The following PHTF1 variants were observed in gnomAD, a reference collection of about 807,000 sequenced individuals.
PHTF1 encodes putative homeodomain transcription factor 1.
In PHTF1, 88 loss-of-function variants were observed where a neutral mutation model predicts 102.4. The observed-to-expected ratio is 0.86, with a 90% CI of 0.72 to 1.03. The LOEUF is 1.03. Ranked by LOEUF, PHTF1 falls within the 50% of genes least tolerant of loss-of-function variation. The pLI is 0.00. For missense variants in PHTF1, 814 were observed against 909.5 expected, an observed-to-expected ratio of 0.89 and a Z score of 1.35; for synonymous variants, 289 against 305.2, an observed-to-expected ratio of 0.95 and a Z score of 0.55.
chr1:113,745,711 T>G (rs1481346148), intron 3 of PHTF1, among the ~76,000 whole-genome samples: 2 of 152,136 alleles, frequency 1.3e-5, no homozygotes, highest in African/African-American at 2.4e-5. Flanking sequence ...GACCTGCACA[T>G]TCGAGGGATC....
chr1:113,758,997 T>G, intron 1 of PHTF1, 26 bp downstream of exon 1: 1 of 1,076,210 alleles, frequency 9.3e-7, no homozygotes, highest in Non-Finnish European at 1.1e-6. Context: ...ACCCGCCTCC[T>G]TCGCTCGCCC....
intron 3 of PHTF1, among the ~76,000 whole-genome samples, chr1:113,744,711 A>AG (rs1217588255): frequency 2.6e-5 from 4 of 152,228 alleles, no homozygotes; most frequent in Admixed American, 6.5e-5. Context: ...GCACTTTGGG[A>AG]GGCTGAGGCA....
intron 3 of PHTF1, among the ~76,000 whole-genome samples, chr1:113,754,053 C>A (rs1164841337): frequency 1.3e-5 from 2 of 152,122 alleles, no homozygotes; most frequent in Non-Finnish European, 2.9e-5. Flanking sequence ...AAGTAATTTG[C>A]ATTTATTAGA....
chr1:113,748,967 A>G (rs1007147574), intron 3 of PHTF1, among the ~76,000 whole-genome samples: 3 of 152,228 alleles, frequency 2.0e-5, no homozygotes, highest in African/African-American at 7.2e-5. Flanking sequence ...CATATTCTGA[A>G]GTGGATATAC....
rs774522219 is a variant in PHTF1, at chr1:113,752,385, A to ATTTTTTTT, written c.102+5306_102+5313dup. On this transcript the variant is annotated intron_variant, in intron 3 of 18. Transcript: ENST00000369604. Reference sequence around the variant, plus strand: ...CTTGCCACATTCATTTGTTACTGTAATTTTTTTTTTTTTTTTTTTTTTTTT... The same window carrying ATTTTTTTT: ...CTTGCCACATTCATTTGTTACTGTAATTTTTTTTTTTTTTTTTTTTTTTTTTTTTTTTT... Among the ~76,000 whole-genome samples the ATTTTTTTT allele has an allele frequency of 2.9e-4, 14 of 47,888 alleles. 3 individuals are homozygous for ATTTTTTTT. Among genetic ancestry groups the ATTTTTTTT allele is most frequent in the South Asian group, 6.6e-4 (1 of 1,520 alleles). 31.4% of individuals were successfully genotyped at this position (47,888 alleles called of 152,430 possible). A position where few individuals can be genotyped will look rare whatever the true frequency, so the allele number is the denominator to read the frequency against.
intron 6 of PHTF1, chr1:113,725,871 G>A (rs1653746709): frequency 1.3e-5 from 2 of 153,964 alleles, no homozygotes; most frequent in South Asian, 2.0e-4. Context: ...GAGAGGCTGA[G>A]GCAGGAGAAT....
chr1:113,700,844 A>G lies in PHTF1; in HGVS notation c.1996T>C (p.Ser666Pro), dbSNP rs907215043. The G allele has an allele frequency of 1.2e-6, 2 of 1,613,566 alleles. No homozygotes were observed. Among genetic ancestry groups the G allele is most frequent in the Non-Finnish European group, 1.7e-6 (2 of 1,179,762 alleles). ...TTGCTGTATTTCTTATTGGTTTCAG[A>G]CCCCAGTGAGGCCAGACGCAATAAA... Reference protein sequence around the residue: ...LFLLRLASLGSETNKKYSNVS... With the variant: ...LFLLRLASLGPETNKKYSNVS... The change falls in exon 16 of 19, where the codon TCT (serine) becomes CCT (proline). Residue 666 changes from serine to proline, a missense_variant. Transcript: ENST00000369604.
intron 11 of PHTF1, among the ~76,000 whole-genome samples, chr1:113,707,295 G>A (rs1351396730): frequency 6.6e-6 from 1 of 152,154 alleles, no homozygotes; most frequent in African/African-American, 2.4e-5. Context: ...CAAAATTAGT[G>A]AGGCTTAGAA....
At chr1:113,718,900 T>G (rs768677564) in intron 7 of PHTF1, among the ~76,000 whole-genome samples, 1 of 152,210 alleles carries the variant, frequency 6.6e-6, no homozygotes, top group Non-Finnish European at 1.5e-5. Context: ...CCTGGAAACA[T>G]TTTCCCCATT....
chr1:113,725,547 T>G (rs1653692314), intron 6 of PHTF1: 1 of 152,252 alleles, frequency 6.6e-6, no homozygotes, highest in East Asian at 1.9e-4. Context: ...ACATAACTTT[T>G]GGAAAATAAC....
chr1:113,717,837 C>T (rs1162447289), intron 7 of PHTF1, among the ~76,000 whole-genome samples: 1 of 152,044 alleles, frequency 6.6e-6, no homozygotes, highest in African/African-American at 2.4e-5. Flanking sequence ...AATTACCTCC[C>T]CCTGGGCCCC....
At chr1:113,706,566 A>C (rs1456171179) in intron 12 of PHTF1, 28 bp downstream of exon 12, 5 of 1,551,584 alleles carry the variant, frequency 3.2e-6, no homozygotes, top group Non-Finnish European at 4.3e-6. Flanking sequence ...ATATTTTTTG[A>C]AAAATCTGAA....
intron 7 of PHTF1, among the ~76,000 whole-genome samples, chr1:113,719,659 G>T (rs61817584): frequency 2.1e-4 from 32 of 152,258 alleles, no homozygotes; most frequent in African/African-American, 7.7e-4. Flanking sequence ...TCTCTAGGAG[G>T]TTCCAAACTT....
chr1:113,747,975 C>T (rs1298345218), intron 3 of PHTF1, among the ~76,000 whole-genome samples: 1 of 152,066 alleles, frequency 6.6e-6, no homozygotes, highest in African/African-American at 2.4e-5. Context: ...TCAAAAGATC[C>T]TTTTATTTTC....
chr1:113,703,465 G>A (rs1649665928), intron 15 of PHTF1, among the ~76,000 whole-genome samples: 1 of 152,134 alleles, frequency 6.6e-6, no homozygotes, highest in African/African-American at 2.4e-5. Flanking sequence ...GGCTCCCACT[G>A]GCCAAATTTA....
chr1:113,712,720 A>G lies in PHTF1; in HGVS notation c.783+559T>C, dbSNP rs140512319. 5.3e-5 allele frequency among the ~76,000 whole-genome samples: 8 copies of G among 151,658 alleles called. No homozygotes were observed. In the East Asian group the frequency reaches 1.6e-3, roughly 29 times the overall value. ...CTGCTTCTCTGGAATATGACCCAGC[A>G]CCCTCTTCACTAATCTGTTTATTAA... On this transcript the variant is annotated intron_variant, in intron 8 of 18. Transcript: ENST00000369604.
rs539328215 is a variant in PHTF1 at position 113,698,622 on chromosome 1, C to T, written c.2143-235G>A. On this transcript the variant is annotated intron_variant, in intron 17 of 18. Coordinates refer to ENST00000369604, the MANE Select transcript of PHTF1 (RefSeq NM_001323043.2). ...ATTTGTAGTTTTATATATATATATA[C>T]ACACACACACACACACACACACACA... is the stretch of plus-strand genomic sequence containing the variant. Among the ~76,000 whole-genome samples, 515 of 28,386 alleles carry T rather than the reference C, an allele frequency of 0.018. 9 individuals carry two copies. The East Asian group carries it at 0.21, about 12-fold the overall frequency. The allele number at this position is 28,386 out of a possible 152,430, so 18.6% of individuals were successfully genotyped here. A position where few individuals can be genotyped will look rare whatever the true frequency, so the allele number is the denominator to read the frequency against.
chr1:113,720,142 A>G (rs1200302904), intron 7 of PHTF1, among the ~76,000 whole-genome samples: 2 of 152,218 alleles, frequency 1.3e-5, no homozygotes, highest in Non-Finnish European at 2.9e-5. Flanking sequence ...CAGCCAAACC[A>G]TATCAAGTAG....
Position 113,738,700 on chromosome 1 carries a change from A to G in PHTF1, c.172+30T>C, listed in dbSNP as rs538400013. The G allele has an allele frequency of 3.9e-6, 5 of 1,293,480 alleles. No individual in the cohort carries two copies. In the African/African-American group the frequency reaches 7.4e-5, roughly 19 times the overall value. The allele number at this position is 1,293,480 out of a possible 1,614,324, so 80.1% of individuals were successfully genotyped here. A position where few individuals can be genotyped will look rare whatever the true frequency, so the allele number is the denominator to read the frequency against. On this transcript the variant is annotated intron_variant, in intron 4 of 18. Coordinates refer to ENST00000369604, the MANE Select transcript of PHTF1 (RefSeq NM_001323043.2). Reference sequence around the variant, plus strand: ...AGCATCCCTGTGAAATAATATAATAATGTACATAAAAAACAATTTTAAGAC... The same window carrying G: ...AGCATCCCTGTGAAATAATATAATAGTGTACATAAAAAACAATTTTAAGAC...
Sources: gnomAD v4.1 joint callset for allele counts (sites outside exome capture counted in the v4.1 genomes callset) on GRCh38, gnomAD v4.1.1 for gene constraint, MANE v1.5 for transcripts, NCBI Gene and HGNC (gene_info 2026-07-23, HGNC 2026-07-21) for gene names.